CAPZB: variants seen among roughly 807,000 people sequenced by gnomAD.
The protein encoded by CAPZB is capping actin protein of muscle Z-line subunit beta.
Under a neutral mutation model 38.1 loss-of-function variants are expected in CAPZB, and 2 were observed. The ratio of observed to expected loss-of-function variants is 0.05; its 90% confidence interval spans 0.02 to 0.17. CAPZB has a LOEUF of 0.17. CAPZB is among the 10% of genes least tolerant of loss of function. CAPZB has a pLI of 1.00. For synonymous variants in CAPZB, 107 were observed against 127.4 expected (o/e 0.84, Z 1.08); for missense variants, 161 against 334.2 (o/e 0.48, Z 4.04).
At chr1:19,434,931 C>T (rs1186606647) in intron 1 of CAPZB, among the ~76,000 whole-genome samples, 1 of 138,862 alleles carries the variant, frequency 7.2e-6, no homozygotes, top group African/African-American at 2.7e-5. Flanking sequence ...GAGTGGGTAG[C>T]CACAGAACAA....
intron 2 of CAPZB, among the ~76,000 whole-genome samples, chr1:19,418,409 T>G (rs1157327583): frequency 1.3e-5 from 2 of 152,168 alleles, no homozygotes; most frequent in African/African-American, 4.8e-5. Context: ...GTGGGTTCAT[T>G]TGCATCACAA....
chr1:19,406,586 G>A (rs375740465), intron 2 of CAPZB, among the ~76,000 whole-genome samples: 3 of 152,308 alleles, frequency 2.0e-5, no homozygotes, highest in East Asian at 1.9e-4. Context: ...CACAAACAGC[G>A]TGACGGAGAA....
chr1:19,394,776 T>C (rs1416023445), intron 2 of CAPZB, among the ~76,000 whole-genome samples: 1 of 152,020 alleles, frequency 6.6e-6, no homozygotes, highest in Non-Finnish European at 1.5e-5. Context: ...GCAACATAGA[T>C]TTGAGATAAT....
intron 3 of CAPZB, among the ~76,000 whole-genome samples, chr1:19,381,672 C>T (rs974624730): frequency 1.9e-4 from 29 of 149,510 alleles, no homozygotes; most frequent in African/African-American, 6.9e-4. Context: ...CATGTACCAC[C>T]ATGCCCAGCT....
Position 19,485,323 on chromosome 1 carries a change from G to C in CAPZB, c.3+113C>G, listed in dbSNP as rs1046643557. The C allele has an allele frequency of 1.4e-5, 10 of 728,968 alleles. No individual in the cohort carries two copies. In the East Asian group the frequency reaches 2.4e-4, roughly 18 times the overall value. The allele number at this position is 728,968 out of a possible 1,614,324, so 45.2% of individuals were successfully genotyped here. A position where few individuals can be genotyped will look rare whatever the true frequency, so the allele number is the denominator to read the frequency against. The stretch of plus-strand genomic sequence containing the variant: ...GGGTCCACCCAGGGTCCGGGACCCC[G>C]CCCCTCCCCCACCCCGGGAAGCCAC... On this transcript the variant is annotated intron_variant, in intron 1 of 8. Coordinates refer to ENST00000264202, the MANE Select transcript of CAPZB (RefSeq NM_004930.5).
chr1:19,416,890 T>TAAAAAAAAAAAAAAAAAAA (rs2094382319), intron 2 of CAPZB, among the ~76,000 whole-genome samples: 1 of 74,932 alleles, frequency 1.3e-5, no homozygotes, highest in African/African-American at 5.3e-5. Context: ...AAAAAAAAAG[T>TAAAAAAAAAAAAAAAAAAA]ATGCTCTGAC....
chr1:19,460,438 G>C (rs530348557), intron 1 of CAPZB, among the ~76,000 whole-genome samples: 7 of 152,074 alleles, frequency 4.6e-5, no homozygotes, highest in Non-Finnish European at 1.0e-4. Context: ...CACCGCGCCC[G>C]GCTAATTTTT....
At chr1:19,424,161 C>G (rs962642369) in intron 1 of CAPZB, among the ~76,000 whole-genome samples, 1 of 148,764 alleles carries the variant, frequency 6.7e-6, no homozygotes, top group Non-Finnish European at 1.5e-5. Context: ...TATAACAAGG[C>G]TTTTTTTTTT....
chr1:19,446,700 T>C (rs1038684372), intron 1 of CAPZB, among the ~76,000 whole-genome samples: 2 of 152,212 alleles, frequency 1.3e-5, no homozygotes, highest in Non-Finnish European at 2.9e-5. Context: ...AATTGCACAG[T>C]GTTAAAAACG....
rs181241194 is a variant in CAPZB, at chr1:19,436,426, T to C, written c.4-16676A>G. ...ACACAAGAGTAGTGATGCCAGCAAT[T>C]CAGATATGCCGAAGTGAAGACAAAA... On this transcript the variant is annotated intron_variant, in intron 1 of 8. Transcript: ENST00000264202. Among the ~76,000 whole-genome samples, 14 of 152,274 alleles carry C rather than the reference T, an allele frequency of 9.2e-5. No homozygotes were observed. In the East Asian group the frequency reaches 2.7e-3, roughly 29 times the overall value.
At chr1:19,450,661 G>C (rs1222367646) in intron 1 of CAPZB, among the ~76,000 whole-genome samples, 1 of 152,084 alleles carries the variant, frequency 6.6e-6, no homozygotes, top group Non-Finnish European at 1.5e-5. Flanking sequence ...CAGAGACCCA[G>C]GTGAATCCCA....
At chr1:19,351,145 G>A (rs1442872007) in intron 6 of CAPZB, among the ~76,000 whole-genome samples, 3 of 151,934 alleles carry the variant, frequency 2.0e-5, no homozygotes, top group Non-Finnish European at 4.4e-5. Context: ...ACCACACCCA[G>A]CTGATTTTTG....
At chr1:19,411,663 G>A (rs754924381) in intron 2 of CAPZB, among the ~76,000 whole-genome samples, 5 of 151,346 alleles carry the variant, frequency 3.3e-5, no homozygotes, top group Admixed American at 1.3e-4. Flanking sequence ...GCAATTAATC[G>A]CATTCTTAAT....
intron 4 of CAPZB, among the ~76,000 whole-genome samples, chr1:19,373,478 G>C (rs2094129526): frequency 6.6e-6 from 1 of 152,128 alleles, no homozygotes; most frequent in Admixed American, 6.5e-5. Context: ...AAAGCCCAGA[G>C]CCTGAAGACA....
chr1:19,393,580 A>T (rs1474654918), intron 2 of CAPZB, among the ~76,000 whole-genome samples: 1 of 152,164 alleles, frequency 6.6e-6, no homozygotes, highest in Non-Finnish European at 1.5e-5. Flanking sequence ...AGCTCTTCCA[A>T]AGACCAGGCC....
chr1:19,442,386 G>T (rs1173220841), intron 1 of CAPZB, among the ~76,000 whole-genome samples: 3 of 152,146 alleles, frequency 2.0e-5, no homozygotes, highest in East Asian at 3.9e-4. Flanking sequence ...ACAACGCTGG[G>T]CACGGAGGAT....
intron 1 of CAPZB, chr1:19,484,316 GCCC>G (rs11450129): frequency 6.3e-7 from 1 of 1,594,210 alleles, no homozygotes; most frequent in East Asian, 2.3e-5. Flanking sequence ...GGGCCTGGTG[GCCC>G]CCCAAGGCCA....
chr1:19,345,045 G>A, intron 7 of CAPZB, 142 bp downstream of exon 7: 1 of 701,282 alleles, frequency 1.4e-6, no homozygotes, highest in South Asian at 1.7e-5. Context: ...TATGAGGCCA[G>A]GGCAAAATCC....
intron 2 of CAPZB, among the ~76,000 whole-genome samples, chr1:19,411,393 A>C (rs2094356354): frequency 6.6e-6 from 1 of 152,170 alleles, no homozygotes; most frequent in Non-Finnish European, 1.5e-5. Context: ...ATGATGGGAG[A>C]GCATCAATTT....
Sources: allele counts gnomAD v4.1 joint callset (sites outside exome capture counted in the v4.1 genomes callset), GRCh38; gene constraint gnomAD v4.1.1; transcripts MANE v1.5; gene names NCBI Gene and HGNC (gene_info 2026-07-23, HGNC 2026-07-21).